Variants in CCDC85A observed in about 807,000 individuals in gnomAD.
CCDC85A encodes coiled-coil domain-containing protein 85A.
In CCDC85A, 38 loss-of-function variants were observed where a neutral mutation model predicts 50.2. The observed-to-expected ratio is 0.76, with a 90% CI of 0.58 to 0.99. The LOEUF (loss-of-function observed/expected upper bound fraction) is 0.99, where lower values mean the gene tolerates loss of function less well. Among genes scored for constraint, CCDC85A ranks in the 50% least tolerant of loss-of-function variants. The pLI is 0.00. For missense variants in CCDC85A, 820 were observed against 742.0 expected (o/e 1.11, Z -1.22); for synonymous variants, 366 against 301.4 (o/e 1.21, Z -2.22).
intron 5 of CCDC85A, 119 bp downstream of exon 5, chr2:56,376,054 T>G (rs565296465): frequency 9.5e-6 from 10 of 1,057,136 alleles, no homozygotes; most frequent in Non-Finnish European, 1.3e-5. Flanking sequence ...TTTGACTCCT[T>G]ATGGTGTAAC....
intron 2 of CCDC85A, among the ~76,000 whole-genome samples, chr2:56,264,375 C>G (rs1184323814): frequency 6.6e-6 from 1 of 152,144 alleles, no homozygotes; most frequent in East Asian, 1.9e-4. Flanking sequence ...CCTGTCTTAA[C>G]TAAATGGCAA....
intron 3 of CCDC85A, among the ~76,000 whole-genome samples, chr2:56,363,105 G>A (rs892758255): frequency 2.6e-5 from 4 of 152,194 alleles, no homozygotes; most frequent in South Asian, 2.1e-4. Flanking sequence ...GTTTTCCATC[G>A]TATTTTTTTT....
chr2:56,212,082 C>T (rs963839935), intron 2 of CCDC85A, among the ~76,000 whole-genome samples: 2 of 152,074 alleles, frequency 1.3e-5, no homozygotes, highest in African/African-American at 4.8e-5. Context: ...AACACACTCA[C>T]ACCCCAAGTT....
In CCDC85A at chr2:56,359,098, A is replaced by G. The variant is rs187464089; in HGVS notation, c.1318-13246A>G. ...GGATTACAGGCATGAGTATGTTTTC[A>G]TTTGTACATAAAGACTTTATACAAA... is the stretch of plus-strand genomic sequence containing the variant. On this transcript the variant is annotated intron_variant, in intron 3 of 5. Coordinates refer to ENST00000407595, the MANE Select transcript of CCDC85A (RefSeq NM_001080433.2). Among the ~76,000 whole-genome samples the G allele has an allele frequency of 4.0e-5, 6 of 151,398 alleles. No homozygotes were observed. The East Asian group carries it at 1.2e-3, about 29-fold the overall frequency.
At chr2:56,259,966 G>A (rs894463566) in intron 2 of CCDC85A, among the ~76,000 whole-genome samples, 1 of 152,080 alleles carries the variant, frequency 6.6e-6, no homozygotes, top group Non-Finnish European at 1.5e-5. Flanking sequence ...TCTATGTTGC[G>A]GGGACTTCAT....
intron 2 of CCDC85A, among the ~76,000 whole-genome samples, chr2:56,249,056 G>A (rs546153525): frequency 6.6e-6 from 1 of 152,364 alleles, no homozygotes; most frequent in South Asian, 2.1e-4. Flanking sequence ...GAGGGAGGAA[G>A]TCCAGGAATA....
intron 2 of CCDC85A, among the ~76,000 whole-genome samples, chr2:56,196,154 A>T (rs1676512028): frequency 6.6e-6 from 1 of 152,384 alleles, no homozygotes; most frequent in East Asian, 1.9e-4. Context: ...TTAAGTCTCT[A>T]TAATAATTTC....
At chr2:56,280,636 T>C (rs918192535) in intron 2 of CCDC85A, among the ~76,000 whole-genome samples, 4 of 151,926 alleles carry the variant, frequency 2.6e-5, no homozygotes, top group Non-Finnish European at 5.9e-5. Flanking sequence ...ATACGACAAA[T>C]CCTTAAGAGT....
At chr2:56,274,497 C>CT (rs1261862396) in intron 2 of CCDC85A, among the ~76,000 whole-genome samples, 2 of 152,186 alleles carry the variant, frequency 1.3e-5, no homozygotes, top group Non-Finnish European at 2.9e-5. Context: ...GGGAGAATTG[C>CT]TTCCTTTTCA....
At chr2:56,375,219 G>A (rs755773340) in intron 4 of CCDC85A, among the ~76,000 whole-genome samples, 1 of 152,148 alleles carries the variant, frequency 6.6e-6, no homozygotes, top group Non-Finnish European at 1.5e-5. Flanking sequence ...CACCAATTAA[G>A]TTGAAGAACC....
chr2:56,283,141 A>T (rs1350927317), intron 2 of CCDC85A, among the ~76,000 whole-genome samples: 1 of 152,090 alleles, frequency 6.6e-6, no homozygotes, highest in East Asian at 1.9e-4. Flanking sequence ...TAGTTTATTT[A>T]TTTTTATTGT....
chr2:56,234,011 A>G (rs1469030147), intron 2 of CCDC85A, among the ~76,000 whole-genome samples: 2 of 152,232 alleles, frequency 1.3e-5, no homozygotes, highest in African/African-American at 4.8e-5. Flanking sequence ...TTTGAAGGAT[A>G]AAATTTTTCT....
chr2:56,199,228 G>A (rs1212547195), intron 2 of CCDC85A, among the ~76,000 whole-genome samples: 1 of 152,160 alleles, frequency 6.6e-6, no homozygotes, highest in African/African-American at 2.4e-5. Flanking sequence ...GAATACAAAT[G>A]CATAAGTACA....
At chr2:56,221,212 G>T (rs188567682) in intron 2 of CCDC85A, among the ~76,000 whole-genome samples, 9 of 152,088 alleles carry the variant, frequency 5.9e-5, no homozygotes, top group African/African-American at 2.2e-4. Flanking sequence ...CTGTGTACAA[G>T]GTTCTCTTGG....
Position 56,202,780 on chromosome 2 carries a change from C to A in CCDC85A, c.1240+9340C>A, listed in dbSNP as rs1205847006. On this transcript the variant is annotated intron_variant, in intron 2 of 5. Coordinates refer to ENST00000407595, the MANE Select transcript of CCDC85A (RefSeq NM_001080433.2). ...TAGCAGCCTGGGCTGTTGAACCACT[C>A]TTGAGAATTCAAATTAACCAAGCTC... Among the ~76,000 whole-genome samples, 3 of 152,210 alleles carry A rather than the reference C, an allele frequency of 2.0e-5. No homozygotes were observed. The East Asian group carries it at 5.8e-4, about 29-fold the overall frequency.
intron 2 of CCDC85A, among the ~76,000 whole-genome samples, chr2:56,249,321 TTCTG>T (rs1396063405): frequency 6.6e-6 from 1 of 152,228 alleles, no homozygotes; most frequent in Non-Finnish European, 1.5e-5. Context: ...TCCCTTTACT[TTCTG>T]TCTTTCTTTG....
intron 1 of CCDC85A, among the ~76,000 whole-genome samples, chr2:56,186,032 T>A (rs773055568): frequency 2.6e-5 from 4 of 152,188 alleles, no homozygotes; most frequent in Non-Finnish European, 5.9e-5. Context: ...AGCTCTGGGA[T>A]TCTGGGGCAA....
chr2:56,224,253 A>G (rs1178463134), intron 2 of CCDC85A, among the ~76,000 whole-genome samples: 1 of 152,148 alleles, frequency 6.6e-6, no homozygotes. Flanking sequence ...CTCATTTAAT[A>G]TGTTGTTTTC....
intron 3 of CCDC85A, among the ~76,000 whole-genome samples, chr2:56,364,099 G>T (rs1331206770): frequency 6.6e-6 from 1 of 152,152 alleles, no homozygotes; most frequent in Non-Finnish European, 1.5e-5. Flanking sequence ...TCATTGCCTA[G>T]AAGTAGTTGC....
Sources: allele counts gnomAD v4.1 joint callset (sites outside exome capture counted in the v4.1 genomes callset), GRCh38; gene constraint gnomAD v4.1.1; transcripts MANE v1.5; gene names NCBI Gene and HGNC (gene_info 2026-07-23, HGNC 2026-07-21).